MCF2: variants seen among roughly 807,000 people sequenced by gnomAD.
MCF2 encodes the protein proto-oncogene DBL.
In MCF2, 44 loss-of-function variants were observed where a neutral mutation model predicts 82.5. The ratio of observed to expected loss-of-function variants is 0.53; its 90% CI spans 0.42 to 0.69. MCF2 has a LOEUF of 0.69. Ranked by LOEUF, MCF2 falls within the 30% of genes least tolerant of loss-of-function variation. MCF2 has a pLI of 0.00. For missense variants in MCF2, 623 were observed against 663.1 expected, an observed-to-expected ratio of 0.94 and a Z score of 0.66; for synonymous variants, 217 against 224.9, an observed-to-expected ratio of 0.96 and a Z score of 0.32.
intron 1 of MCF2, among the ~76,000 whole-genome samples, chrX:139,686,847 C>T (rs930252112): frequency 3.6e-5 from 4 of 111,533 alleles, no homozygotes; most frequent in Admixed American, 9.5e-5. Context: ...TCACTGCTTC[C>T]ATCTTTGTCT....
chrX:139,618,175 C>T (rs908057961), intron 7 of MCF2, among the ~76,000 whole-genome samples: 1 of 110,636 alleles, frequency 9.0e-6, no homozygotes, highest in African/African-American at 3.3e-5. Context: ...AAAAAATGAC[C>T]TTTAGTGGCC....
intron 1 of MCF2, among the ~76,000 whole-genome samples, chrX:139,633,159 G>A (rs759668474): frequency 9.0e-6 from 1 of 111,199 alleles, no homozygotes; most frequent in Middle Eastern, 4.2e-3. Flanking sequence ...GAAGCATAAC[G>A]AGGAGTTAAC....
intron 1 of MCF2, among the ~76,000 whole-genome samples, chrX:139,701,320 A>G (rs1029177710): frequency 8.9e-6 from 1 of 112,025 alleles, no homozygotes; most frequent in Non-Finnish European, 1.9e-5. Context: ...TTACGTGTCA[A>G]CTTGGCTAGG....
chrX:139,585,361 A>T (rs766855547), intron 23 of MCF2, among the ~76,000 whole-genome samples, 183 bp from the exon 28 acceptor site: 1 of 111,249 alleles, frequency 9.0e-6, no homozygotes, highest in South Asian at 3.8e-4. Flanking sequence ...GCAACCTGGG[A>T]AAAGTCATTG....
At chrX:139,590,800 A>C (rs1929452104) in intron 19 of MCF2, among the ~76,000 whole-genome samples, 1 of 110,599 alleles carries the variant, frequency 9.0e-6, no homozygotes, top group South Asian at 3.9e-4. Flanking sequence ...CCCTTATTAG[A>C]GCTAATAAGC....
At position 139,582,510 on chromosome X, in the gene MCF2, G is replaced by A. The variant is rs1928563499; in HGVS notation, c.2746-7C>T. On this transcript the variant is annotated splice_polypyrimidine_tract_variant and splice_region_variant and intron_variant, in intron 24 of 24. Transcript: ENST00000370576. ...CCATCTCCGACACAGGTCTCTACAA[G>A]GGAAGCAGCACCCATTATTGCTCAG... is the stretch of plus-strand genomic sequence containing the variant. 8.4e-7 allele frequency: 1 copy of A among 1,194,225 alleles called. No individual in the cohort carries two copies. The highest frequency in any genetic ancestry group is 1.1e-6 in the Non-Finnish European group (1 of 881,895).
intron 9 of MCF2, 82 bp downstream of exon 12, chrX:139,616,200 G>A (rs1245176629): frequency 9.9e-6 from 5 of 503,317 alleles, no homozygotes; most frequent in Non-Finnish European, 1.2e-5. Flanking sequence ...AGTTAGCTGT[G>A]AGGTAGTAAA....
chrX:139,641,118 G>C (rs750306667), intron 1 of MCF2, among the ~76,000 whole-genome samples: 17 of 108,135 alleles, frequency 1.6e-4, no homozygotes, highest in Non-Finnish European at 3.2e-4. Context: ...TATTTATTGT[G>C]TGTATATTAA....
At chrX:139,654,709 ACT>A (rs931686348) in intron 1 of MCF2, among the ~76,000 whole-genome samples, 1 of 109,849 alleles carries the variant, frequency 9.1e-6, no homozygotes, top group African/African-American at 3.3e-5. Flanking sequence ...TGCACAAAAA[ACT>A]CTGCCCAGAC....
intron 22 of MCF2, 28 bp from the exon 27 acceptor site, chrX:139,586,515 G>A: frequency 9.8e-7 from 1 of 1,019,136 alleles, no homozygotes; most frequent in Non-Finnish European, 1.4e-6. Flanking sequence ...AAAACTAAGT[G>A]AGCTTTTGTA....
chrX:139,589,988 A>G, intron 19 of MCF2, 61 bp from the exon 24 acceptor site: 1 of 677,899 alleles, frequency 1.5e-6, no homozygotes, highest in Middle Eastern at 4.1e-4. Flanking sequence ...ATTACATTAA[A>G]TCTACCCTAT....
At chrX:139,586,448 T>C in exon 23 of MCF2, 2 of 1,209,210 alleles carry the variant, frequency 1.7e-6, no homozygotes, top group Non-Finnish European at 2.2e-6. Flanking sequence ...TGTGTTCCAA[T>C]TCAGTTTCCT....
At chrX:139,623,239 A>G (rs1223989182) in intron 6 of MCF2, among the ~76,000 whole-genome samples, 2 of 111,637 alleles carry the variant, frequency 1.8e-5, no homozygotes, top group Admixed American at 1.9e-4. Context: ...TATATACCCA[A>G]TGGAAAATAA....
At chrX:139,610,269 A>G (rs1931400723) in intron 11 of MCF2, 32 bp downstream of exon 15, 1 of 1,021,865 alleles carries the variant, frequency 9.8e-7, no homozygotes, top group Non-Finnish European at 1.4e-6. Context: ...TAAAGCAATA[A>G]AGTCAATTTT....
chrX:139,595,498 C>G (rs757391908), intron 19 of MCF2, among the ~76,000 whole-genome samples: 4 of 100,098 alleles, frequency 4.0e-5, no homozygotes, highest in African/African-American at 1.1e-4. Context: ...AACACCACAT[C>G]TTCTCACTCA....
chrX:139,634,202 T>C (rs928352456), intron 1 of MCF2, among the ~76,000 whole-genome samples: 4 of 111,465 alleles, frequency 3.6e-5, no homozygotes, highest in African/African-American at 9.8e-5. Flanking sequence ...TAGAGCATAA[T>C]AGAGCAAAAT....
chrX:139,588,284 G>GA (rs1312572439), intron 21 of MCF2, 76 bp downstream of exon 25: 2 of 776,042 alleles, frequency 2.6e-6, no homozygotes, highest in Admixed American at 5.5e-5. Context: ...CCATTCTCTG[G>GA]AAAAATAATT....
intron 1 of MCF2, among the ~76,000 whole-genome samples, chrX:139,666,731 T>C (rs944591399): frequency 1.8e-5 from 2 of 111,933 alleles, no homozygotes; most frequent in African/African-American, 6.5e-5. Flanking sequence ...TTGAGACTCC[T>C]GCATCTGAAC....
chrX:139,648,137 C>T lies in MCF2; in HGVS notation c.26-1234G>A, dbSNP rs184284244. The stretch of plus-strand genomic sequence containing the variant: ...CTGTAACCCCAGCACTTTGGGAGGC[C>T]GAAGCCAGAGGATCACTTGAGGTCA... On this transcript the variant is annotated intron_variant, in intron 2 of 27. Transcript: ENST00000414978. 7.7e-4 allele frequency among the ~76,000 whole-genome samples: 86 copies of T among 111,391 alleles called. 1 individual carries two copies. The highest frequency in any genetic ancestry group is 2.3e-3 in the African/African-American group (72 of 30,689).
Sources: allele counts gnomAD v4.1 joint callset (sites outside exome capture counted in the v4.1 genomes callset), GRCh38; gene constraint gnomAD v4.1.1; transcripts MANE v1.5; gene names NCBI Gene and HGNC (gene_info 2026-07-23, HGNC 2026-07-21).